Variants in TMED5 observed in about 807,000 individuals in gnomAD.
TMED5 encodes transmembrane emp24 domain-containing protein 5.
TMED5 carries 27 observed loss-of-function variants against 23.0 expected under a neutral mutation model. The ratio of observed to expected loss-of-function variants is 1.17; its 90% CI spans 0.86 to 1.62. The LOEUF (loss-of-function observed/expected upper bound fraction) is 1.62. Ranked by LOEUF, TMED5 falls within the 40% of genes most tolerant of loss-of-function variation. The pLI is 0.00. For synonymous variants in TMED5, 97 were observed against 100.8 expected (o/e 0.96, Z 0.23); for missense variants, 248 against 273.7 (o/e 0.91, Z 0.66).
chr1:93,170,299 G>A (rs1328762021), intron 1 of TMED5, among the ~76,000 whole-genome samples: 2 of 152,228 alleles, frequency 1.3e-5, no homozygotes, highest in Non-Finnish European at 2.9e-5. Flanking sequence ...GGGGCTGCGC[G>A]TGATGCTTGC....
At chr1:93,174,083 G>A (rs747641927) in intron 1 of TMED5, among the ~76,000 whole-genome samples, 5 of 151,864 alleles carry the variant, frequency 3.3e-5, no homozygotes, top group Non-Finnish European at 7.4e-5. Flanking sequence ...TCAGCCTCCC[G>A]AGTAGCTGGG....
At chr1:93,176,543 A>T (rs12240105) in intron 1 of TMED5, among the ~76,000 whole-genome samples, 5,649 of 151,968 alleles carry the variant, frequency 0.037, 292 homozygotes, top group African/African-American at 0.12. Context: ...ATATATATAT[A>T]TTTTTTTGAG....
chr1:93,173,715 A>G (rs1375924169), intron 1 of TMED5, among the ~76,000 whole-genome samples: 1 of 152,238 alleles, frequency 6.6e-6, no homozygotes, highest in Non-Finnish European at 1.5e-5. Context: ...TAAGCCTGAA[A>G]TCAGTCCTAT....
chr1:93,167,816 ATCTTTGTTGTGT>A (rs1403195954), intron 1 of TMED5, among the ~76,000 whole-genome samples: 3 of 152,164 alleles, frequency 2.0e-5, no homozygotes, highest in Non-Finnish European at 4.4e-5. Flanking sequence ...GAAAGTGTGC[ATCTTTGTTGTGT>A]TCCAGATCTC....
At chr1:93,176,082 C>T (rs987908462) in intron 1 of TMED5, among the ~76,000 whole-genome samples, 5 of 152,062 alleles carry the variant, frequency 3.3e-5, no homozygotes, top group African/African-American at 7.2e-5. Context: ...TATTCAGTGG[C>T]GTATTACTGG....
chr1:93,156,244 C>T, intron 3 of TMED5, 56 bp downstream of exon 3: 1 of 1,469,382 alleles, frequency 6.8e-7, no homozygotes, highest in South Asian at 1.2e-5. Context: ...AACTTATTAC[C>T]ATAGTAAGGC....
chr1:93,154,759 C>A lies in TMED5; in HGVS notation c.601G>T (p.Val201Phe), dbSNP rs773633377. Reference sequence around the variant, plus strand: ...ACCACCACCATGACCACTAAATTAACCATAGACCAGAAATTGACTCTATCA... The same window carrying A: ...ACCACCACCATGACCACTAAATTAAACATAGACCAGAAATTGACTCTATCA... Reference protein sequence around the residue: ...NFDRVNFWSMVNLVVMVVVSA... With the variant: ...NFDRVNFWSMFNLVVMVVVSA... The change falls in exon 4 of 4, where the codon GTT becomes TTT. Residue 201 changes from valine to phenylalanine, a missense_variant. Physicochemically the swap from Val to Phe is conservative, Grantham distance 50 (BLOSUM62 -1). Transcript: ENST00000370282. 2 of 1,614,046 alleles carry A rather than the reference C, an allele frequency of 1.2e-6. No individual in the cohort carries two copies. The highest frequency in any genetic ancestry group is 3.3e-5 in the Admixed American group (2 of 60,012).
chr1:93,158,547 C>G (rs754068363), intron 2 of TMED5, among the ~76,000 whole-genome samples: 1 of 150,854 alleles, frequency 6.6e-6, no homozygotes, highest in Non-Finnish European at 1.5e-5. Flanking sequence ...TTTTAAAATT[C>G]TGAAACTTAA....
In TMED5 at chr1:93,153,059, C is replaced by T. The variant is rs1481748539; in HGVS notation, c.*1611G>A. 1.3e-5 allele frequency: 2 copies of T among 152,582 alleles called. No individual in the cohort carries two copies. The highest frequency in any genetic ancestry group is 1.9e-4 in the East Asian group (1 of 5,196). The allele number at this position is 152,582 out of a possible 1,614,324, so 9.5% of individuals were successfully genotyped here. On this transcript the variant is annotated 3_prime_UTR_variant, in exon 4 of 4. Transcript: ENST00000370282. ...TCACTCTCTGGTTATCATTATTGCT[C>T]ATCAAGAATTCCAGCATTACTAACC...
chr1:93,165,443 T>C (rs993463937), intron 1 of TMED5, among the ~76,000 whole-genome samples: 3 of 152,198 alleles, frequency 2.0e-5, no homozygotes, highest in Non-Finnish European at 4.4e-5. Flanking sequence ...ATGACAACTA[T>C]AAAGGATGGC....
At chr1:93,177,628 G>A (rs1386441885) in intron 1 of TMED5, among the ~76,000 whole-genome samples, 2 of 128,244 alleles carry the variant, frequency 1.6e-5, no homozygotes, top group African/African-American at 3.1e-5. Context: ...GTCCCTTTAA[G>A]AGTGACTAAA....
rs1313612691 is a variant in TMED5, at chr1:93,180,211, A to T, written c.32T>A (p.Val11Glu). 6.2e-7 allele frequency: 1 copy of T among 1,612,852 alleles called. No homozygotes were observed. Among genetic ancestry groups the T allele is most frequent in the Admixed American group, 1.7e-5 (1 of 59,916 alleles). MGDKIWLPFP[V>E]LLLAALPPVL... ...CGGAGGCAGAGCGGCCAGAAGGAGC[A>T]CGGGGAAGGGCAGCCAGATCTTGTC... Residue 11 changes from valine to glutamate, a missense_variant, in exon 1 of 4, where the codon GTG becomes GAG. By Grantham distance (121) the Val-to-Glu change is moderately radical. Transcript: ENST00000370282.
chr1:93,178,361 C>T (rs1222236747), intron 1 of TMED5, among the ~76,000 whole-genome samples: 1 of 152,154 alleles, frequency 6.6e-6, no homozygotes, highest in Non-Finnish European at 1.5e-5. Context: ...TTCTGAAATG[C>T]CCCTTGTTCC....
intron 2 of TMED5, among the ~76,000 whole-genome samples, chr1:93,159,309 A>G (rs949289314): frequency 6.6e-5 from 10 of 152,184 alleles, no homozygotes; most frequent in Non-Finnish European, 1.3e-4. Flanking sequence ...TAAAATGGGA[A>G]TCTTGAGTCA....
chr1:93,175,370 A>C (rs1372667938), intron 1 of TMED5, among the ~76,000 whole-genome samples: 1 of 146,002 alleles, frequency 6.8e-6, no homozygotes, highest in Middle Eastern at 3.3e-3. Flanking sequence ...TTGTTTTTTT[A>C]TATACATATT....
chr1:93,165,173 A>G (rs992435192), intron 1 of TMED5, among the ~76,000 whole-genome samples: 4 of 152,294 alleles, frequency 2.6e-5, no homozygotes, highest in Non-Finnish European at 5.9e-5. Flanking sequence ...AGAGTAGAAG[A>G]CCCAGTTAAG....
chr1:93,161,508 A>C (rs1341673573), intron 1 of TMED5: 1 of 151,968 alleles, frequency 6.6e-6, no homozygotes. Flanking sequence ...GTGTTCCATT[A>C]GTGGAACACT....
At position 93,176,843 on chromosome 1, in the gene TMED5, C is replaced by T. The variant is rs548967946; in HGVS notation, c.189+3211G>A. Among the ~76,000 whole-genome samples the T allele has an allele frequency of 1.1e-4, 16 of 152,314 alleles. No individual in the cohort carries two copies. In the South Asian group the frequency reaches 3.1e-3, roughly 30 times the overall value. ...ACTGCACCTAGCTGATATTTTCACT[C>T]ACCATTGTATCCCTAGCAACTTGGA... On this transcript the variant is annotated intron_variant, in intron 1 of 3. Transcript: ENST00000370282.
rs1647822739 is a variant in TMED5 at position 93,150,182 on chromosome 1, ATTAT to A, written c.*4484_*4487del. On this transcript the variant is annotated 3_prime_UTR_variant, in exon 4 of 4. Transcript: ENST00000370282. ...TCTTGTTTCCCATCTCTATAGCTTT[ATTAT>A]TTAAGAATGTTACAAAAACAGAATC... 6.6e-6 allele frequency: 1 copy of A among 152,162 alleles called. No homozygotes were observed. The highest frequency in any genetic ancestry group is 2.4e-5 in the African/African-American group (1 of 41,430). 9.4% of individuals were successfully genotyped at this position (152,162 alleles called of 1,614,324 possible).
Sources: gnomAD v4.1 joint callset for allele counts (sites outside exome capture counted in the v4.1 genomes callset) on GRCh38, gnomAD v4.1.1 for gene constraint, MANE v1.5 for transcripts, NCBI Gene and HGNC (gene_info 2026-07-23, HGNC 2026-07-21) for gene names.